Variants in SLC35F1 observed in about 807,000 individuals in gnomAD.
The protein encoded by SLC35F1 is solute carrier family 35 member F1.
SLC35F1 carries 14 observed loss-of-function variants against 48.7 expected under a neutral mutation model. That is an observed-to-expected ratio of 0.29 (90% CI 0.19 to 0.45). The LOEUF is 0.45. SLC35F1 is among the 20% of genes least tolerant of loss of function. The probability of loss-of-function intolerance (pLI) is 1.00; values close to 1 mark genes in which losing one functional copy is unlikely to be tolerated. For synonymous variants in SLC35F1, 190 were observed against 202.2 expected, an observed-to-expected ratio of 0.94 and a Z score of 0.51; for missense variants, 404 against 500.0, an observed-to-expected ratio of 0.81 and a Z score of 1.83.
At chr6:118,136,945 T>C (rs962464572) in intron 1 of SLC35F1, among the ~76,000 whole-genome samples, 2 of 152,374 alleles carry the variant, frequency 1.3e-5, no homozygotes, top group South Asian at 2.1e-4. Context: ...AACTGGAATA[T>C]AGATTAGGCA....
intron 1 of SLC35F1, among the ~76,000 whole-genome samples, chr6:118,086,230 G>T (rs962838194): frequency 6.6e-6 from 1 of 152,004 alleles, no homozygotes; most frequent in Non-Finnish European, 1.5e-5. Flanking sequence ...AATTGCTGTC[G>T]AACTGTCCAT....
chr6:118,180,590 C>A (rs1165722614), intron 2 of SLC35F1, among the ~76,000 whole-genome samples: 2 of 151,906 alleles, frequency 1.3e-5, no homozygotes, highest in Non-Finnish European at 2.9e-5. Context: ...AGAGATAAAA[C>A]AACAGCTGTG....
chr6:118,210,392 G>T (rs1235426794), intron 2 of SLC35F1, among the ~76,000 whole-genome samples: 6 of 152,116 alleles, frequency 3.9e-5, no homozygotes, highest in Non-Finnish European at 5.9e-5. Flanking sequence ...TGGGACTCTT[G>T]TGAGGTCAAG....
intron 1 of SLC35F1, among the ~76,000 whole-genome samples, chr6:117,944,106 A>G (rs888963444): frequency 2.0e-5 from 3 of 152,202 alleles, no homozygotes; most frequent in African/African-American, 4.8e-5. Flanking sequence ...CCATGATATG[A>G]TAATTTTCTG....
intron 1 of SLC35F1, among the ~76,000 whole-genome samples, chr6:117,957,339 C>T (rs910999946): frequency 5.3e-5 from 8 of 152,098 alleles, no homozygotes; most frequent in Admixed American, 5.2e-4. Context: ...GAGCCCTGTG[C>T]TTTAGAAAGC....
intron 1 of SLC35F1, among the ~76,000 whole-genome samples, chr6:118,065,750 G>A (rs924911127): frequency 2.6e-5 from 4 of 152,138 alleles, no homozygotes; most frequent in Non-Finnish European, 4.4e-5. Context: ...TAAAGATTAG[G>A]TAATGATCTG....
intron 1 of SLC35F1, among the ~76,000 whole-genome samples, chr6:118,024,600 A>T (rs946711976): frequency 1.3e-5 from 2 of 152,196 alleles, no homozygotes; most frequent in African/African-American, 4.8e-5. Flanking sequence ...AGCTGACCAC[A>T]GAGTGAATTT....
At chr6:118,294,084 A>G (rs1429859409) in intron 7 of SLC35F1, among the ~76,000 whole-genome samples, 1 of 152,228 alleles carries the variant, frequency 6.6e-6, no homozygotes, top group Admixed American at 6.5e-5. Context: ...CAGCAGTGAT[A>G]CAGTTCTCTG....
At chr6:118,238,928 C>T (rs1332638469) in intron 3 of SLC35F1, among the ~76,000 whole-genome samples, 5 of 151,964 alleles carry the variant, frequency 3.3e-5, no homozygotes, top group African/African-American at 9.7e-5. Flanking sequence ...GTGGGATCAA[C>T]GCCATCCGGT....
intron 3 of SLC35F1, among the ~76,000 whole-genome samples, chr6:118,246,807 A>C (rs1775513308): frequency 6.6e-6 from 1 of 152,146 alleles, no homozygotes; most frequent in Non-Finnish European, 1.5e-5. Context: ...GCAACCAACA[A>C]AAAAAGTTCT....
intron 1 of SLC35F1, among the ~76,000 whole-genome samples, chr6:118,104,811 C>G (rs1773307585): frequency 6.6e-6 from 1 of 152,156 alleles, no homozygotes; most frequent in South Asian, 2.1e-4. Flanking sequence ...GTTCTCATCT[C>G]TCTGTCTAAA....
At chr6:118,043,788 C>T (rs1219315873) in intron 1 of SLC35F1, among the ~76,000 whole-genome samples, 2 of 152,174 alleles carry the variant, frequency 1.3e-5, no homozygotes. Flanking sequence ...GTCAATTTTG[C>T]CAGACAGGCA....
chr6:117,941,168 T>C (rs934799338), intron 1 of SLC35F1, among the ~76,000 whole-genome samples: 8 of 152,206 alleles, frequency 5.3e-5, no homozygotes, highest in African/African-American at 1.9e-4. Context: ...AATTTAAACA[T>C]ATTTTTCTGA....
At chr6:118,209,423 G>A (rs2114546395) in intron 2 of SLC35F1, among the ~76,000 whole-genome samples, 1 of 152,188 alleles carries the variant, frequency 6.6e-6, no homozygotes, top group East Asian at 1.9e-4. Flanking sequence ...TCACACTGTG[G>A]TTATAATTCC....
intron 1 of SLC35F1, among the ~76,000 whole-genome samples, chr6:118,070,405 C>T (rs1000733772): frequency 7.2e-5 from 11 of 151,972 alleles, no homozygotes; most frequent in African/African-American, 2.2e-4. Flanking sequence ...GTCAAGGAGC[C>T]GAAGTCTGCT....
chr6:117,997,442 C>T (rs1037171180), intron 1 of SLC35F1, among the ~76,000 whole-genome samples: 4 of 151,806 alleles, frequency 2.6e-5, no homozygotes, highest in East Asian at 3.9e-4. Flanking sequence ...AGATACTCCT[C>T]GAGAAGAGCA....
In SLC35F1 at chr6:118,294,826, A is replaced by C. The variant is rs574331963; in HGVS notation, c.1002+9488A>C. On this transcript the variant is annotated intron_variant, in intron 7 of 7. Transcript: ENST00000360388. ...TTATCATACAAATAATTACTAAAAAAAAAAAGAGAGATTTCAAAATCAGTT... is the reference window on the plus strand; with the variant it reads ...TTATCATACAAATAATTACTAAAAACAAAAAGAGAGATTTCAAAATCAGTT... Among the ~76,000 whole-genome samples the C allele has an allele frequency of 5.9e-5, 9 of 152,286 alleles. No homozygotes were observed. The South Asian group carries it at 1.9e-3, about 32-fold the overall frequency.
At chr6:117,950,709 T>C (rs527447583) in intron 1 of SLC35F1, among the ~76,000 whole-genome samples, 4 of 152,298 alleles carry the variant, frequency 2.6e-5, no homozygotes, top group Admixed American at 6.5e-5. Context: ...ATGATAGATA[T>C]AGAGAAACCA....
chr6:118,013,273 T>C (rs1337605530), intron 1 of SLC35F1, among the ~76,000 whole-genome samples: 4 of 152,060 alleles, frequency 2.6e-5, no homozygotes, highest in Non-Finnish European at 5.9e-5. Flanking sequence ...CAGGTGCCAG[T>C]TTTCTGTGTA....
Sources: gnomAD v4.1 joint callset for allele counts (sites outside exome capture counted in the v4.1 genomes callset) on GRCh38, gnomAD v4.1.1 for gene constraint, MANE v1.5 for transcripts, NCBI Gene and HGNC (gene_info 2026-07-23, HGNC 2026-07-21) for gene names.